Variants in CDK6 observed in about 807,000 individuals in gnomAD.
CDK6 encodes cyclin-dependent kinase 6.
In CDK6, 6 loss-of-function variants were observed where a neutral mutation model predicts 37.1. That is an observed-to-expected ratio of 0.16 (90% confidence interval 0.09 to 0.32). The LOEUF (loss-of-function observed/expected upper bound fraction) is 0.32. Ranked by LOEUF, CDK6 falls within the 10% of genes least tolerant of loss-of-function variation. The probability of loss-of-function intolerance (pLI) is 1.00; values close to 1 mark genes in which losing one functional copy is unlikely to be tolerated. For synonymous variants in CDK6, 160 were observed against 161.3 expected (o/e 0.99, Z 0.06); for missense variants, 224 against 418.9 (o/e 0.53, Z 4.06).
chr7:92,632,601 A>G (rs1001160682), intron 5 of CDK6, among the ~76,000 whole-genome samples: 3 of 152,158 alleles, frequency 2.0e-5, no homozygotes, highest in Non-Finnish European at 4.4e-5. Flanking sequence ...ATCAGAATAA[A>G]ATTTTACTGG....
intron 5 of CDK6, among the ~76,000 whole-genome samples, chr7:92,629,506 C>T (rs1796006446): frequency 6.6e-6 from 1 of 152,058 alleles, no homozygotes; most frequent in Non-Finnish European, 1.5e-5. Context: ...CAAACTACTT[C>T]AGATTTCTGA....
intron 3 of CDK6, among the ~76,000 whole-genome samples, chr7:92,770,796 C>G (rs1253830499): frequency 6.6e-6 from 1 of 152,102 alleles, no homozygotes; most frequent in African/African-American, 2.4e-5. Context: ...ATTAGAATAT[C>G]CTGAGTTTCA....
At chr7:92,668,286 A>G (rs1393939936) in intron 5 of CDK6, among the ~76,000 whole-genome samples, 1 of 152,212 alleles carries the variant, frequency 6.6e-6, no homozygotes, top group Non-Finnish European at 1.5e-5. Flanking sequence ...GATTTATGTA[A>G]GTACATTCGA....
At chr7:92,823,579 C>G (rs1055839827) in intron 2 of CDK6, among the ~76,000 whole-genome samples, 1 of 151,676 alleles carries the variant, frequency 6.6e-6, no homozygotes, top group African/African-American at 2.4e-5. Context: ...AATCTCCAAA[C>G]CTGTCTCTTG....
At chr7:92,651,326 T>C (rs1796569237) in intron 5 of CDK6, among the ~76,000 whole-genome samples, 1 of 152,216 alleles carries the variant, frequency 6.6e-6, no homozygotes, top group South Asian at 2.1e-4. Context: ...AAATTCATAG[T>C]GTTTAGGGTG....
rs1414528899 is a variant in CDK6 at position 92,608,897 on chromosome 7, C to T, written c.*6243G>A. 2 of 232,506 alleles carry T rather than the reference C, an allele frequency of 8.6e-6. No individual in the cohort carries two copies. Among genetic ancestry groups the T allele is most frequent in the Non-Finnish European group, 1.7e-5 (2 of 117,650 alleles). The allele number at this position is 232,506 out of a possible 1,614,324, so 14.4% of individuals were successfully genotyped here. A position where few individuals can be genotyped will look rare whatever the true frequency, so the allele number is the denominator to read the frequency against. ...AGGGGCGGGGCAACGAGGCAGCGCG[C>T]CCGGAAGGCTTTCAAGTGGGAATCA... On this transcript the variant is annotated 3_prime_UTR_variant, in exon 8 of 8. Transcript: ENST00000424848.
chr7:92,612,615 C>T lies in CDK6; in HGVS notation c.*2525G>A, dbSNP rs1015777651. The T allele has an allele frequency of 3.9e-5, 9 of 232,978 alleles. No homozygotes were observed. The highest frequency in any genetic ancestry group is 5.9e-5 in the Non-Finnish European group (7 of 117,932). The allele number at this position is 232,978 out of a possible 1,614,324, so 14.4% of individuals were successfully genotyped here. On this transcript the variant is annotated 3_prime_UTR_variant, in exon 8 of 8. Coordinates refer to ENST00000424848, the MANE Select transcript of CDK6 (RefSeq NM_001145306.2). ...GTGTCATCAGAAGATAATCTGCCAACGATTGAATGCCAGAATGTTTGTGCT... is the reference window on the plus strand; with the variant it reads ...GTGTCATCAGAAGATAATCTGCCAATGATTGAATGCCAGAATGTTTGTGCT...
chr7:92,636,338 C>CA, intron 5 of CDK6, among the ~76,000 whole-genome samples: 1 of 152,186 alleles, frequency 6.6e-6, no homozygotes, highest in East Asian at 1.9e-4. Flanking sequence ...GGATTACAGG[C>CA]GTGCACCACT....
chr7:92,623,143 A>G (rs767389739), intron 5 of CDK6, 57 bp from the exon 6 acceptor site: 1 of 1,160,954 alleles, frequency 8.6e-7, no homozygotes. Context: ...CATTTCAATC[A>G]TATTTGCCAT....
chr7:92,608,787 G>C lies in CDK6; in HGVS notation c.*6353C>G, dbSNP rs76908789. Reference sequence around the variant, plus strand: ...ACTCTGACCTCGGAAAGCAGCCCGCGGGGCCGCACATAATTTCAGGCACCG... The same window carrying C: ...ACTCTGACCTCGGAAAGCAGCCCGCCGGGCCGCACATAATTTCAGGCACCG... On this transcript the variant is annotated 3_prime_UTR_variant, in exon 8 of 8. Transcript: ENST00000424848. 10,052 of 231,756 alleles carry C rather than the reference G, an allele frequency of 0.043. 265 individuals are homozygous for C. The highest frequency in any genetic ancestry group is 0.057 in the Non-Finnish European group (6,683 of 117,078). The allele number at this position is 231,756 out of a possible 1,614,324, so 14.4% of individuals were successfully genotyped here.
rs754157618 is a variant in CDK6 at position 92,618,151 on chromosome 7, T to C, written c.755A>G (p.Gln252Arg). ...DWPRDVALPR[Q>R]AFHSKSAQPI... is the part of the protein sequence containing the mutation. ...TTGGGCAGATTTTGAATGAAAAGCC[T>C]GCCTGGGAAGGGCAACATCTCTAGG... Residue 252 changes from glutamine to arginine, a missense_variant, in exon 7 of 8, where the codon CAG becomes CGG. By Grantham distance (43) the Gln-to-Arg change is conservative. Around this residue, in one of 5 missense-constraint regions of CDK6, gnomAD observed 90 missense variants for 136.2 expected, o/e 0.66. Coordinates refer to ENST00000424848, the MANE Select transcript of CDK6 (RefSeq NM_001145306.2). The C allele has an allele frequency of 1.2e-6, 2 of 1,614,188 alleles. No individual in the cohort carries two copies. Among genetic ancestry groups the C allele is most frequent in the Admixed American group, 3.3e-5 (2 of 60,014 alleles).
At chr7:92,620,344 A>G (rs1284118460) in intron 6 of CDK6, among the ~76,000 whole-genome samples, 1 of 152,192 alleles carries the variant, frequency 6.6e-6, no homozygotes, top group Non-Finnish European at 1.5e-5. Flanking sequence ...TTCCTAAGAC[A>G]TGTAAGTCAG....
intron 5 of CDK6, among the ~76,000 whole-genome samples, chr7:92,669,959 T>A (rs1797038388): frequency 6.6e-6 from 1 of 152,228 alleles, no homozygotes. Context: ...AGGTGCCTGG[T>A]GATGCTGAGG....
chr7:92,771,770 G>A (rs1799724515), intron 3 of CDK6, among the ~76,000 whole-genome samples: 1 of 152,098 alleles, frequency 6.6e-6, no homozygotes, highest in African/African-American at 2.4e-5. Flanking sequence ...TATTCCAACA[G>A]AGCATTCTAT....
intron 2 of CDK6, among the ~76,000 whole-genome samples, chr7:92,815,604 A>C (rs938958227): frequency 1.3e-5 from 2 of 152,168 alleles, no homozygotes; most frequent in Non-Finnish European, 2.9e-5. Context: ...GTTTGGAGGC[A>C]ATTTCCAGAC....
At chr7:92,720,237 T>C (rs1798334439) in intron 4 of CDK6, among the ~76,000 whole-genome samples, 1 of 152,200 alleles carries the variant, frequency 6.6e-6, no homozygotes, top group African/African-American at 2.4e-5. Flanking sequence ...TCCTAAACAT[T>C]TGTGGAACCT....
intron 4 of CDK6, among the ~76,000 whole-genome samples, chr7:92,696,049 G>A (rs1585406573): frequency 1.3e-5 from 2 of 152,254 alleles, no homozygotes; most frequent in Non-Finnish European, 2.9e-5. Flanking sequence ...GGGTTTCGGA[G>A]TGTGCTCTGT....
chr7:92,642,909 T>C (rs1266564559), intron 5 of CDK6, among the ~76,000 whole-genome samples: 1 of 152,050 alleles, frequency 6.6e-6, no homozygotes, highest in Non-Finnish European at 1.5e-5. Flanking sequence ...TTTTTTTTTT[T>C]TTTGAGACAG....
At chr7:92,825,001 G>A (rs747600694) in intron 2 of CDK6, among the ~76,000 whole-genome samples, 5 of 152,000 alleles carry the variant, frequency 3.3e-5, no homozygotes, top group Non-Finnish European at 5.9e-5. Context: ...AACTTATTAT[G>A]GAAAATTTCA....
Sources: allele counts gnomAD v4.1 joint callset (sites outside exome capture counted in the v4.1 genomes callset), GRCh38; gene constraint gnomAD v4.1.1; regional missense constraint gnomAD v4.1.1; transcripts MANE v1.5; gene names NCBI Gene and HGNC (gene_info 2026-07-23, HGNC 2026-07-21).